COL21A1: variants seen among roughly 807,000 people sequenced by gnomAD.
COL21A1 encodes collagen alpha-1(XXI) chain.
COL21A1 carries 149 observed loss-of-function variants against 137.9 expected under a neutral mutation model. The observed-to-expected ratio is 1.08, with a 90% confidence interval of 0.95 to 1.24. COL21A1 has a LOEUF of 1.24. COL21A1 is among the 50% of genes most tolerant of loss of function. The pLI is 0.00. For missense variants in COL21A1, 1,167 were observed against 1,158.4 expected (o/e 1.01, Z -0.11); for synonymous variants, 456 against 391.5 (o/e 1.16, Z -1.95).
intron 1 of COL21A1, among the ~76,000 whole-genome samples, chr6:56,318,666 T>C (rs1005178972): frequency 6.6e-6 from 1 of 152,096 alleles, no homozygotes; most frequent in Non-Finnish European, 1.5e-5. Context: ...AGTTCAATCT[T>C]ACCTCTTGTG....
At chr6:56,385,202 A>T (rs766024078) in intron 1 of COL21A1, among the ~76,000 whole-genome samples, 1 of 152,214 alleles carries the variant, frequency 6.6e-6, no homozygotes, top group African/African-American at 2.4e-5. Flanking sequence ...ATCTTGGAAA[A>T]GTTTTGGTGG....
At position 56,129,699 on chromosome 6, in the gene COL21A1, TGA is replaced by T. The variant is rs3065909; in HGVS notation, c.1543-3552_1543-3551del. Among the ~76,000 whole-genome samples the T allele has an allele frequency of 4.0e-3, 479 of 120,416 alleles. 4 individuals carry two copies. Among genetic ancestry groups the T allele is most frequent in the African/African-American group, 0.012 (386 of 32,362 alleles). The allele number at this position is 120,416 out of a possible 152,430, so 79.0% of individuals were successfully genotyped here. ...GCGTGTGTGTGTGTGTGTGTGTGTG[TGA>T]GAGAGAGAGAGAGAGAGAGAGACAG... is the stretch of plus-strand genomic sequence containing the variant. On this transcript the variant is annotated intron_variant, in intron 12 of 29. Coordinates refer to ENST00000244728, the MANE Select transcript of COL21A1 (RefSeq NM_030820.4).
chr6:56,162,172 G>GT (rs992119904), intron 9 of COL21A1, among the ~76,000 whole-genome samples: 9 of 152,160 alleles, frequency 5.9e-5, no homozygotes, highest in African/African-American at 1.9e-4. Flanking sequence ...TAGGGATTCT[G>GT]TTTTTTACAT....
intron 20 of COL21A1, among the ~76,000 whole-genome samples, chr6:56,072,490 G>A (rs1766845762): frequency 6.6e-6 from 1 of 151,424 alleles, no homozygotes; most frequent in East Asian, 2.0e-4. Flanking sequence ...TCTCACCCTA[G>A]AACTTCTATC....
intron 16 of COL21A1, among the ~76,000 whole-genome samples, chr6:56,120,618 G>T (rs543222985): frequency 6.6e-6 from 1 of 151,878 alleles, no homozygotes; most frequent in Non-Finnish European, 1.5e-5. Flanking sequence ...CCAACATGCC[G>T]AAATGTCTCT....
chr6:56,119,356 T>C (rs899050660), intron 16 of COL21A1, among the ~76,000 whole-genome samples: 1 of 151,776 alleles, frequency 6.6e-6, no homozygotes, highest in South Asian at 2.1e-4. Context: ...TATCTAAGAA[T>C]TGAAAGATCT....
intron 1 of COL21A1, among the ~76,000 whole-genome samples, chr6:56,239,011 A>G (rs1782090854): frequency 6.6e-6 from 1 of 152,204 alleles, no homozygotes; most frequent in Non-Finnish European, 1.5e-5. Flanking sequence ...ATTAAGCTTT[A>G]AAAGGTCAAG....
chr6:56,167,591 A>G (rs1776692506), intron 6 of COL21A1, among the ~76,000 whole-genome samples: 1 of 152,238 alleles, frequency 6.6e-6, no homozygotes, highest in Non-Finnish European at 1.5e-5. Context: ...AATGGCATTT[A>G]CAGACACATT....
intron 1 of COL21A1, among the ~76,000 whole-genome samples, chr6:56,320,379 C>T (rs1363370042): frequency 6.6e-6 from 1 of 152,020 alleles, no homozygotes; most frequent in Non-Finnish European, 1.5e-5. Context: ...TGCTTCTCCA[C>T]CAGGATATCT....
At chr6:56,127,812 A>G (rs929172708) in intron 12 of COL21A1, among the ~76,000 whole-genome samples, 5 of 152,116 alleles carry the variant, frequency 3.3e-5, no homozygotes, top group African/African-American at 2.4e-5. Context: ...TTTTTTCCCA[A>G]AGAAGCTTGC....
intron 24 of COL21A1, among the ~76,000 whole-genome samples, chr6:56,063,047 T>C (rs1379896077): frequency 1.3e-5 from 2 of 152,160 alleles, no homozygotes; most frequent in Non-Finnish European, 2.9e-5. Context: ...TTGGGATGAC[T>C]ATTCAGCTGC....
intron 1 of COL21A1, among the ~76,000 whole-genome samples, chr6:56,242,603 A>G (rs755298629): frequency 2.0e-4 from 30 of 152,210 alleles, no homozygotes; most frequent in South Asian, 4.1e-4. Context: ...CTAAGCTTGG[A>G]CTTCAGAAAA....
intron 16 of COL21A1, among the ~76,000 whole-genome samples, chr6:56,109,604 G>A (rs1368521114): frequency 5.9e-5 from 9 of 151,724 alleles, no homozygotes; most frequent in Non-Finnish European, 1.2e-4. Context: ...GGGAAGAGTA[G>A]GAAATATTCT....
At position 56,218,900 on chromosome 6, in the gene COL21A1, A is replaced by C. The variant is rs79974543; in HGVS notation, c.-39+28487T>G. The stretch of plus-strand genomic sequence containing the variant: ...ATGACCAGCTGAGAGCAATCACTGA[A>C]GCTAATCCTCTTATAACTACATGAG... On this transcript the variant is annotated intron_variant, in intron 1 of 29. Transcript: ENST00000244728. 1.7e-4 allele frequency among the ~76,000 whole-genome samples: 26 copies of C among 152,216 alleles called. No individual in the cohort carries two copies. In the East Asian group the frequency reaches 4.4e-3, roughly 26 times the overall value.
chr6:56,160,095 G>A (rs1051757277), intron 9 of COL21A1, among the ~76,000 whole-genome samples: 4 of 152,038 alleles, frequency 2.6e-5, no homozygotes, highest in South Asian at 2.1e-4. Flanking sequence ...TAAGTTATTC[G>A]CAAAAACTCA....
intron 1 of COL21A1, among the ~76,000 whole-genome samples, chr6:56,218,636 G>A (rs1448774949): frequency 6.6e-6 from 1 of 151,938 alleles, no homozygotes; most frequent in Non-Finnish European, 1.5e-5. Flanking sequence ...ATTACTTACT[G>A]CTCATTTTAC....
intron 12 of COL21A1, among the ~76,000 whole-genome samples, chr6:56,132,835 C>A (rs549021038): frequency 2.0e-5 from 3 of 151,992 alleles, no homozygotes; most frequent in Admixed American, 6.6e-5. Context: ...TTTAAAAATG[C>A]GAGTTTCCCT....
intron 1 of COL21A1, among the ~76,000 whole-genome samples, chr6:56,199,878 T>A (rs147515679): frequency 6.6e-6 from 1 of 152,282 alleles, no homozygotes; most frequent in African/African-American, 2.4e-5. Flanking sequence ...AAATAAGGAA[T>A]CTGCTTCCAT....
At chr6:56,268,766 C>A (rs1763454209) in intron 1 of COL21A1, among the ~76,000 whole-genome samples, 1 of 152,186 alleles carries the variant, frequency 6.6e-6, no homozygotes, top group South Asian at 2.1e-4. Context: ...AGTATCCACC[C>A]AGCAGTCGTT....
Sources: gnomAD v4.1 joint callset for allele counts (sites outside exome capture counted in the v4.1 genomes callset) on GRCh38, gnomAD v4.1.1 for gene constraint, MANE v1.5 for transcripts, NCBI Gene and HGNC (gene_info 2026-07-23, HGNC 2026-07-21) for gene names.